The following F2 variants were observed in gnomAD, a reference collection of about 807,000 sequenced individuals.
F2 encodes the protein prothrombin.
A neutral mutation model predicts 81.9 loss-of-function variants in F2; 34 were observed. The ratio of observed to expected loss-of-function variants is 0.42; its 90% confidence interval spans 0.32 to 0.55. The LOEUF is 0.55. F2 is among the 20% of genes least tolerant of loss of function. The pLI is 0.18. For missense variants in F2, 630 were observed against 833.4 expected, an observed-to-expected ratio of 0.76 and a Z score of 3.00; for synonymous variants, 296 against 326.4, an observed-to-expected ratio of 0.91 and a Z score of 1.01.
intron 4 of F2, among the ~76,000 whole-genome samples, chr11:46,722,451 G>A (rs1349929425): frequency 6.6e-6 from 1 of 152,112 alleles, no homozygotes; most frequent in Non-Finnish European, 1.5e-5. Flanking sequence ...GCTGGGGTGT[G>A]GTGGCACGCG....
At chr11:46,738,858 GT>G (rs2064960115) in intron 12 of F2, among the ~76,000 whole-genome samples, 189 bp from the exon 13 acceptor site, 1 of 152,238 alleles carries the variant, frequency 6.6e-6, no homozygotes, top group African/African-American at 2.4e-5. Context: ...GGTGAGAAGG[GT>G]TTGGATTTGG....
chr11:46,730,044 C>T (rs1261930840), intron 12 of F2, among the ~76,000 whole-genome samples: 2 of 152,032 alleles, frequency 1.3e-5, no homozygotes, highest in African/African-American at 4.8e-5. Flanking sequence ...ATGAAGTGGG[C>T]TTCTAAATAG....
Position 46,728,559 on chromosome 11 carries a change from T to C in F2, c.1299-105T>C, listed in dbSNP as rs1345890546. On this transcript the variant is annotated intron_variant, in intron 10 of 13. Coordinates refer to ENST00000311907, the MANE Select transcript of F2 (RefSeq NM_000506.5). This position sits in a 1 kb window ranked among gnomAD's most constrained non-coding sequence, Gnocchi z 5.1. ...GGAACCAGCCCTATCCCCTCCCTGG[T>C]GGCCTGCAGGACACACTGTCTCCCA... 18 of 1,299,474 alleles carry C rather than the reference T, an allele frequency of 1.4e-5. No homozygotes were observed. Among genetic ancestry groups the C allele is most frequent in the Non-Finnish European group, 2.0e-5 (18 of 905,488 alleles). 80.5% of individuals were successfully genotyped at this position (1,299,474 alleles called of 1,614,324 possible).
At chr11:46,737,443 T>A (rs1274006630) in intron 12 of F2, among the ~76,000 whole-genome samples, 2 of 28,984 alleles carry the variant, frequency 6.9e-5, no homozygotes, top group Non-Finnish European at 4.5e-4. Context: ...TGCCTGGCCT[T>A]TTTTTTTTTT....
chr11:46,739,036 TTC>T lies in F2; in HGVS notation c.1655-8_1655-7del. 1.2e-6 allele frequency: 2 copies of T among 1,614,176 alleles called. No individual in the cohort carries two copies. The highest frequency in any genetic ancestry group is 2.2e-5 in the East Asian group (1 of 44,888). On this transcript the variant is annotated splice_polypyrimidine_tract_variant and intron_variant, in intron 12 of 13. Coordinates refer to ENST00000311907, the MANE Select transcript of F2 (RefSeq NM_000506.5). ...CTATGCTCCTGAGCACAGACGGCTGTTCTCTTTCAAGGTTACAAGCCTGATGA... is the reference window on the plus strand; with the variant it reads ...CTATGCTCCTGAGCACAGACGGCTGTTCTTTCAAGGTTACAAGCCTGATGA...
chr11:46,735,680 T>C (rs949274355), intron 12 of F2, among the ~76,000 whole-genome samples: 1 of 150,998 alleles, frequency 6.6e-6, no homozygotes, highest in African/African-American at 2.4e-5. Context: ...CCTAGCACTT[T>C]GGGAGGCCGA....
chr11:46,731,213 G>A (rs1487200678), intron 12 of F2, among the ~76,000 whole-genome samples: 8 of 149,904 alleles, frequency 5.3e-5, no homozygotes, highest in Admixed American at 2.0e-4. Flanking sequence ...CACTGTACTC[G>A]GCCAAAACCA....
In F2 at chr11:46,723,200, G is replaced by C; in HGVS notation, c.337G>C (p.Gly113Arg). The C allele has an allele frequency of 6.2e-7, 1 of 1,614,034 alleles. No homozygotes were observed. Among genetic ancestry groups the C allele is most frequent in the African/African-American group, 1.3e-5 (1 of 75,026 alleles). ...CLEGNCAEGL[G>R]TNYRGHVNIT... ...CGCAGGTAACTGTGCTGAGGGTCTG[G>C]GTACGAACTACCGAGGGCATGTGAA... The change falls in exon 5 of 14, where the codon GGT (glycine) becomes CGT (arginine). Residue 113 changes from glycine to arginine, a missense_variant. Transcript: ENST00000311907. The surrounding 1 kb of genome is among the most constrained non-coding windows in gnomAD (Gnocchi z 5.6).
Position 46,726,882 on chromosome 11 carries a change from T to G in F2, c.1130+45T>G. 6.2e-7 allele frequency: 1 copy of G among 1,610,664 alleles called. No individual in the cohort carries two copies. The highest frequency in any genetic ancestry group is 8.5e-7 in the Non-Finnish European group (1 of 1,177,482). On this transcript the variant is annotated intron_variant, in intron 9 of 13. Transcript: ENST00000311907. The surrounding 1 kb of genome is among the most constrained non-coding windows in gnomAD (Gnocchi z 5.9). ...GCTACCATTCACTCCTGGGGGCAGG[T>G]GTGCTGCTGGACCCCCACCCTCAGG...
intron 12 of F2, among the ~76,000 whole-genome samples, chr11:46,738,632 C>T (rs1002694815): frequency 2.6e-5 from 4 of 151,962 alleles, no homozygotes; most frequent in African/African-American, 9.7e-5. Flanking sequence ...TGCCACCATG[C>T]CCAGCTAATT....
chr11:46,729,657 G>A lies in F2; in HGVS notation c.1654+96G>A. The A allele has an allele frequency of 3.5e-6, 5 of 1,423,268 alleles. No individual in the cohort carries two copies. The South Asian group carries it at 5.1e-5, about 14-fold the overall frequency. The allele number at this position is 1,423,268 out of a possible 1,614,324, so 88.2% of individuals were successfully genotyped here. On this transcript the variant is annotated intron_variant, in intron 12 of 13. Transcript: ENST00000311907. The stretch of plus-strand genomic sequence containing the variant: ...CAAGCCATGTGACTTTGAGCAAGTT[G>A]CCTAACCTCTTGGTGGCTCAGTTTC...
rs559597826 is a variant in F2, at chr11:46,728,319, G to A, written c.1298+156G>A. Among the ~76,000 whole-genome samples, 2 of 152,286 alleles carry A rather than the reference G, an allele frequency of 1.3e-5. No individual in the cohort carries two copies. Among genetic ancestry groups the A allele is most frequent in the African/African-American group, 2.4e-5 (1 of 41,558 alleles). On this transcript the variant is annotated intron_variant, in intron 10 of 13. Transcript: ENST00000311907. The surrounding 1 kb of genome is among the most constrained non-coding windows in gnomAD (Gnocchi z 5.1). ...TCTGCTGGAAAGCCCATTTGGTCAC[G>A]TCCTGACTGAGGCTTGGAGCTGCGG...
intron 12 of F2, 103 bp downstream of exon 12, chr11:46,729,664 C>G: frequency 1.6e-6 from 2 of 1,287,342 alleles, no homozygotes; most frequent in East Asian, 2.3e-5. Flanking sequence ...GTTGCCTAAC[C>G]TCTTGGTGGC....
intron 12 of F2, among the ~76,000 whole-genome samples, chr11:46,735,864 G>A (rs2064941274): frequency 1.3e-5 from 2 of 151,766 alleles, no homozygotes; most frequent in Admixed American, 6.6e-5. Context: ...GGAGGTTGCA[G>A]TGAGCTGAGA....
rs765745887 is a variant in F2 at position 46,739,155 on chromosome 11, T to C, written c.1725+37T>C. On this transcript the variant is annotated intron_variant, in intron 13 of 13. Coordinates refer to ENST00000311907, the MANE Select transcript of F2 (RefSeq NM_000506.5). ...TAAAGCCCAGGGCCTGGTGAACACA[T>C]CTTCTGGGGGTGGGGAGAAACTCTA... is the stretch of plus-strand genomic sequence containing the variant. The C allele has an allele frequency of 7.4e-6, 12 of 1,613,466 alleles. 1 individual carries two copies. The South Asian group carries it at 1.3e-4, about 18-fold the overall frequency.
intron 4 of F2, among the ~76,000 whole-genome samples, chr11:46,721,427 C>T (rs189372043): frequency 1.3e-5 from 2 of 152,312 alleles, no homozygotes; most frequent in East Asian, 1.9e-4. Context: ...GTCACATTCC[C>T]CTTCTAGCTT....
Position 46,726,693 on chromosome 11 carries a change from G to T in F2, c.1004-18G>T. On this transcript the variant is annotated intron_variant, in intron 8 of 13. Transcript: ENST00000311907. This position sits in a 1 kb window ranked among gnomAD's most constrained non-coding sequence, Gnocchi z 5.9. Reference sequence around the variant, plus strand: ...TGGTGGCCAGGACTTGCCCCTCACTGCTTGGCTTGCTCTGCAGACTGTGGG... The same window carrying T: ...TGGTGGCCAGGACTTGCCCCTCACTTCTTGGCTTGCTCTGCAGACTGTGGG... 6 of 1,613,780 alleles carry T rather than the reference G, an allele frequency of 3.7e-6. No homozygotes were observed. Among genetic ancestry groups the T allele is most frequent in the East Asian group, 2.2e-5 (1 of 44,878 alleles).
chr11:46,731,330 C>T (rs1386467163), intron 12 of F2, among the ~76,000 whole-genome samples: 1 of 149,628 alleles, frequency 6.7e-6, no homozygotes, highest in Non-Finnish European at 1.5e-5. Flanking sequence ...GCCACCACGC[C>T]CGGCTAACTT....
At chr11:46,725,788 C>A (rs996072535) in intron 6 of F2, 71 bp from the exon 7 acceptor site, 4 of 1,528,380 alleles carry the variant, frequency 2.6e-6, no homozygotes, top group Non-Finnish European at 3.6e-6. Flanking sequence ...GACCGGGGTT[C>A]ACACCCCTGT....
Sources: allele counts gnomAD v4.1 joint callset (sites outside exome capture counted in the v4.1 genomes callset), GRCh38; gene constraint gnomAD v4.1.1; non-coding constraint Gnocchi (gnomAD v3.1); transcripts MANE v1.5; gene names NCBI Gene and HGNC (gene_info 2026-07-23, HGNC 2026-07-21).